NEK10: variants seen among roughly 807,000 people sequenced by gnomAD.
NEK10 encodes the protein NIMA related kinase 10.
A neutral mutation model predicts 159.8 loss-of-function variants in NEK10; 122 were observed. The ratio of observed to expected loss-of-function variants is 0.76; its 90% CI spans 0.66 to 0.89. NEK10 has a LOEUF of 0.89. Among genes scored for constraint, NEK10 ranks in the 40% least tolerant of loss-of-function variants. The probability of loss-of-function intolerance (pLI) is 0.00; values close to 1 mark genes in which losing one functional copy is unlikely to be tolerated. For synonymous variants in NEK10, 466 were observed against 457.1 expected (o/e 1.02, Z -0.25); for missense variants, 1,342 against 1,323.1 (o/e 1.01, Z -0.22).
At chr3:27,329,369 G>A (rs1168795717) in intron 5 of NEK10, among the ~76,000 whole-genome samples, 1 of 152,182 alleles carries the variant, frequency 6.6e-6, no homozygotes, top group East Asian at 1.9e-4. Context: ...CCATTTCTTG[G>A]AGCTAAGTGG....
chr3:27,156,561 T>C (rs149877022), intron 30 of NEK10, among the ~76,000 whole-genome samples: 17 of 151,996 alleles, frequency 1.1e-4, no homozygotes, highest in Middle Eastern at 3.2e-3. Flanking sequence ...ATGTTCAGCA[T>C]CACTAATGAG....
intron 3 of NEK10, 22 bp from the exon 4 acceptor site, chr3:27,346,238 G>C: frequency 6.2e-7 from 1 of 1,612,750 alleles, no homozygotes; most frequent in Non-Finnish European, 8.5e-7. Context: ...GAAGCATAGA[G>C]TACATGAGGA....
At chr3:27,287,515 G>A (rs986934818) in intron 20 of NEK10, among the ~76,000 whole-genome samples, 183 bp downstream of exon 20, 3 of 152,086 alleles carry the variant, frequency 2.0e-5, no homozygotes, top group Admixed American at 2.0e-4. Context: ...ACTATCTTCA[G>A]GTGACTGACT....
intron 11 of NEK10, 81 bp from the exon 12 acceptor site, chr3:27,305,052 G>A: frequency 3.6e-6 from 3 of 842,976 alleles, no homozygotes; most frequent in Non-Finnish European, 3.8e-6. Context: ...GCTATCATCA[G>A]TGCATGAAAT....
intron 1 of NEK10, among the ~76,000 whole-genome samples, chr3:27,366,240 C>T (rs1418184104): frequency 1.3e-5 from 2 of 152,138 alleles, no homozygotes; most frequent in Non-Finnish European, 2.9e-5. Flanking sequence ...ATTAAGTTAA[C>T]TTGCCAATCC....
At chr3:27,324,775 C>T (rs540138793) in intron 5 of NEK10, among the ~76,000 whole-genome samples, 2 of 152,272 alleles carry the variant, frequency 1.3e-5, no homozygotes, top group African/African-American at 2.4e-5. Context: ...CTCCAACAGA[C>T]CCCATCTCGT....
intron 20 of NEK10, among the ~76,000 whole-genome samples, chr3:27,286,459 G>A (rs1391803063): frequency 1.3e-5 from 2 of 149,614 alleles, no homozygotes; most frequent in African/African-American, 2.5e-5. Context: ...TTGGCTCAGT[G>A]CAACCTCTGC....
chr3:27,111,355 G>A (rs1482628381), intron 35 of NEK10, 35 bp from the exon 36 acceptor site: 6 of 1,510,000 alleles, frequency 4.0e-6, no homozygotes, highest in Non-Finnish European at 5.4e-6. Context: ...ATTCTCTATA[G>A]TTACAAATAT....
At chr3:27,111,415 A>C (rs1939514978) in intron 35 of NEK10, 95 bp from the exon 36 acceptor site, 2 of 896,054 alleles carry the variant, frequency 2.2e-6, no homozygotes, top group African/African-American at 3.5e-5. Context: ...CATATAAGTA[A>C]ATAAATCACA....
chr3:27,283,273 A>G (rs924629859), intron 22 of NEK10, among the ~76,000 whole-genome samples: 4 of 152,294 alleles, frequency 2.6e-5, no homozygotes, highest in Middle Eastern at 3.4e-3. Context: ...CTCCACATCA[A>G]TAACATTGAT....
At chr3:27,145,690 C>T (rs1230766363) in intron 30 of NEK10, among the ~76,000 whole-genome samples, 10 of 151,976 alleles carry the variant, frequency 6.6e-5, no homozygotes, top group Admixed American at 6.6e-4. Context: ...CATAAAACAC[C>T]TCCCAGTGCC....
intron 23 of NEK10, chr3:27,215,112 C>A (rs1271793232): frequency 2.3e-6 from 1 of 426,700 alleles, no homozygotes; most frequent in Non-Finnish European, 4.3e-6. Flanking sequence ...AAAAGCATTA[C>A]CCTTGAAAAC....
intron 28 of NEK10, among the ~76,000 whole-genome samples, chr3:27,173,935 C>T (rs911114710): frequency 6.6e-6 from 1 of 151,948 alleles, no homozygotes; most frequent in African/African-American, 2.4e-5. Flanking sequence ...AATTAAGAGT[C>T]AAGATTAACA....
intron 22 of NEK10, among the ~76,000 whole-genome samples, chr3:27,284,092 T>C (rs532084038): frequency 3.0e-4 from 45 of 152,216 alleles, no homozygotes; most frequent in Middle Eastern, 6.8e-3. Context: ...AAATTAAAAT[T>C]TAGTAAAATT....
chr3:27,108,614 T>C lies in NEK10; in HGVS notation c.*2658A>G, dbSNP rs1939217684. Reference sequence around the variant, plus strand: ...ATTAGGTGCATTCATAGGAATTTCATTGCACAACAAATCATTAAAAATTAT... The same window carrying C: ...ATTAGGTGCATTCATAGGAATTTCACTGCACAACAAATCATTAAAAATTAT... On this transcript the variant is annotated 3_prime_UTR_variant, in exon 36 of 36. Transcript: ENST00000691995. Among the ~76,000 whole-genome samples the C allele has an allele frequency of 6.6e-6, 1 of 152,170 alleles. No homozygotes were observed. The highest frequency in any genetic ancestry group is 1.5e-5 in the Non-Finnish European group (1 of 68,036).
intron 3 of NEK10, among the ~76,000 whole-genome samples, chr3:27,352,054 C>G (rs1439318603): frequency 6.6e-6 from 1 of 152,078 alleles, no homozygotes; most frequent in Non-Finnish European, 1.5e-5. Context: ...AAGAGTGGCA[C>G]TGTAGCAAGG....
chr3:27,138,693 G>A (rs1445042280), intron 31 of NEK10, among the ~76,000 whole-genome samples: 2 of 152,186 alleles, frequency 1.3e-5, no homozygotes, highest in Non-Finnish European at 2.9e-5. Flanking sequence ...ATAGGATTTG[G>A]GAACTGGTTT....
chr3:27,253,546 G>T (rs183750618), intron 23 of NEK10, among the ~76,000 whole-genome samples: 2 of 152,134 alleles, frequency 1.3e-5, no homozygotes, highest in Non-Finnish European at 2.9e-5. Flanking sequence ...CCAGCAATGT[G>T]CCCACAAACC....
At chr3:27,228,930 C>G (rs1952927127) in intron 23 of NEK10, among the ~76,000 whole-genome samples, 2 of 152,062 alleles carry the variant, frequency 1.3e-5, no homozygotes, top group African/African-American at 4.8e-5. Flanking sequence ...GAGAGCTCCC[C>G]CAGCCACCTT....
Sources: allele counts gnomAD v4.1 joint callset (sites outside exome capture counted in the v4.1 genomes callset), GRCh38; gene constraint gnomAD v4.1.1; transcripts MANE v1.5; gene names NCBI Gene and HGNC (gene_info 2026-07-23, HGNC 2026-07-21).